MAD1L1: variants seen among roughly 807,000 people sequenced by gnomAD.
The protein encoded by MAD1L1 is mitotic arrest deficient 1 like 1, also known as mitotic spindle assembly checkpoint protein MAD1.
MAD1L1 carries 95 observed loss-of-function variants against 96.9 expected under a neutral mutation model. The observed-to-expected ratio is 0.98, with a 90% confidence interval of 0.83 to 1.16. The LOEUF is 1.16. MAD1L1 is among the 50% of genes most tolerant of loss of function. The probability of loss-of-function intolerance (pLI) is 0.00; values close to 1 mark genes in which losing one functional copy is unlikely to be tolerated. For missense variants in MAD1L1, 1,007 were observed against 954.4 expected, an observed-to-expected ratio of 1.06 and a Z score of -0.73; for synonymous variants, 473 against 396.6, an observed-to-expected ratio of 1.19 and a Z score of -2.29.
intron 10 of MAD1L1, among the ~76,000 whole-genome samples, chr7:2,180,755 T>C (rs989167655): frequency 6.6e-6 from 1 of 152,200 alleles, no homozygotes; most frequent in African/African-American, 2.4e-5. Context: ...ATCCTGCAAC[T>C]CTGTTGAACT....
chr7:1,900,250 T>A (rs750098639), intron 17 of MAD1L1, among the ~76,000 whole-genome samples: 4 of 152,252 alleles, frequency 2.6e-5, no homozygotes, highest in Non-Finnish European at 4.4e-5. Context: ...GCAAGGGCGC[T>A]GCCTGCCATG....
chr7:1,841,419 T>G (rs1472322566), intron 18 of MAD1L1, among the ~76,000 whole-genome samples: 1 of 152,196 alleles, frequency 6.6e-6, no homozygotes, highest in Non-Finnish European at 1.5e-5. Context: ...TATACCAAGT[T>G]GAGCGGCCTG....
intron 11 of MAD1L1, among the ~76,000 whole-genome samples, chr7:2,143,075 ACGGTG>A (rs990156428): frequency 4.6e-5 from 7 of 152,130 alleles, no homozygotes; most frequent in African/African-American, 1.4e-4. Context: ...ACAGCAGGAC[ACGGTG>A]CCAGTGATGA....
chr7:2,144,741 G>C (rs1370367981), intron 11 of MAD1L1, among the ~76,000 whole-genome samples: 1 of 152,104 alleles, frequency 6.6e-6, no homozygotes, highest in Admixed American at 6.5e-5. Flanking sequence ...CGTGAGCAGA[G>C]GGCGCACCAG....
chr7:2,098,999 G>A (rs780786584), intron 11 of MAD1L1, among the ~76,000 whole-genome samples: 1 of 152,230 alleles, frequency 6.6e-6, no homozygotes, highest in Non-Finnish European at 1.5e-5. Context: ...CGGAATGTCT[G>A]GGGATGGAGG....
chr7:2,220,891 CA>C (rs1562385142), intron 5 of MAD1L1: 9 of 1,610,560 alleles, frequency 5.6e-6, no homozygotes, highest in African/African-American at 2.7e-5. Flanking sequence ...CACCGTGTGC[CA>C]GGGGCAAGGC....
intron 14 of MAD1L1, among the ~76,000 whole-genome samples, chr7:1,999,324 C>T (rs572266284): frequency 6.6e-6 from 1 of 152,274 alleles, no homozygotes; most frequent in Non-Finnish European, 1.5e-5. Context: ...AATTTTAAAA[C>T]CCAGACCTGA....
intron 10 of MAD1L1, among the ~76,000 whole-genome samples, chr7:2,160,689 G>C (rs767441464): frequency 3.9e-5 from 6 of 151,930 alleles, no homozygotes; most frequent in Non-Finnish European, 8.8e-5. Flanking sequence ...CTGGAGTGCA[G>C]TGACATGACC....
At chr7:1,864,870 C>T (rs773152704) in intron 18 of MAD1L1, among the ~76,000 whole-genome samples, 16 of 152,320 alleles carry the variant, frequency 1.1e-4, no homozygotes, top group African/African-American at 2.2e-4. Context: ...GGAGTGGATG[C>T]GGCCTGAGGA....
rs756724453 is a variant in MAD1L1 at position 2,103,273 on chromosome 7, A to G, written c.1074-33935T>C. On this transcript the variant is annotated intron_variant, in intron 11 of 18. Coordinates refer to ENST00000265854, the MANE Select transcript of MAD1L1 (RefSeq NM_001013836.2). The surrounding 1 kb of genome is among the most constrained non-coding windows in gnomAD (Gnocchi z 4.3). ...ACGCTGAGGGCCGGGTCGCAGCCCA[A>G]GCCATGGCTGCCCCGACGGGCCCTG... Among the ~76,000 whole-genome samples the G allele has an allele frequency of 6.6e-6, 1 of 152,082 alleles. No individual in the cohort carries two copies. Among genetic ancestry groups the G allele is most frequent in the Non-Finnish European group, 1.5e-5 (1 of 68,004 alleles).
chr7:1,870,475 G>GCCTGCCACGCTGAACCCAACATACA (rs1785003677), intron 18 of MAD1L1, among the ~76,000 whole-genome samples: 1 of 99,550 alleles, frequency 1.0e-5, no homozygotes, highest in Non-Finnish European at 2.0e-5. Context: ...CCCAACATAT[G>GCCTGCCACGCTGAACCCAACATACA]CCTGCCACGC....
intron 10 of MAD1L1, among the ~76,000 whole-genome samples, chr7:2,149,497 G>A (rs1009625003): frequency 2.0e-5 from 3 of 152,092 alleles, no homozygotes; most frequent in African/African-American, 4.8e-5. Flanking sequence ...ACAGAGACAC[G>A]ACCTGACAGT....
chr7:1,819,662 G>T (rs1322489672), intron 18 of MAD1L1, among the ~76,000 whole-genome samples: 1 of 152,166 alleles, frequency 6.6e-6, no homozygotes, highest in Non-Finnish European at 1.5e-5. Flanking sequence ...CCCCTGAGCC[G>T]AGCCCCATGG....
At chr7:2,106,298 G>T (rs1170736237) in intron 11 of MAD1L1, among the ~76,000 whole-genome samples, 1 of 151,932 alleles carries the variant, frequency 6.6e-6, no homozygotes, top group African/African-American at 2.4e-5. Context: ...GTCCATCCCT[G>T]GAGACGGCCA....
chr7:2,215,097 G>T (rs954391746), intron 9 of MAD1L1, among the ~76,000 whole-genome samples: 5 of 152,134 alleles, frequency 3.3e-5, no homozygotes, highest in African/African-American at 1.2e-4. Flanking sequence ...TAAAAAGCCT[G>T]GCCGGGCATG....
chr7:1,824,933 C>G (rs935236715), intron 18 of MAD1L1, among the ~76,000 whole-genome samples: 6 of 151,564 alleles, frequency 4.0e-5, no homozygotes, highest in African/African-American at 1.5e-4. Flanking sequence ...GGTGAGAAAA[C>G]CCTTCAAGTT....
At chr7:1,938,436 C>T (rs1047023095) in intron 16 of MAD1L1, among the ~76,000 whole-genome samples, 1 of 152,132 alleles carries the variant, frequency 6.6e-6, no homozygotes, top group Non-Finnish European at 1.5e-5. Context: ...GTACAACTGA[C>T]CTTATAGAAA....
chr7:1,949,326 G>A (rs562036399), intron 16 of MAD1L1, among the ~76,000 whole-genome samples: 3 of 152,334 alleles, frequency 2.0e-5, no homozygotes, highest in South Asian at 4.1e-4. Flanking sequence ...TGCCGGGCAC[G>A]CAAGCATCGC....
chr7:1,848,903 T>A (rs1783792623), intron 18 of MAD1L1: 1 of 154,400 alleles, frequency 6.5e-6, no homozygotes. Flanking sequence ...TGTGCCTCAA[T>A]AGGACAGCCT....
Sources: gnomAD v4.1 joint callset for allele counts (sites outside exome capture counted in the v4.1 genomes callset) on GRCh38, gnomAD v4.1.1 for gene constraint, Gnocchi (gnomAD v3.1) non-coding constraint, MANE v1.5 for transcripts, NCBI Gene and HGNC (gene_info 2026-07-23, HGNC 2026-07-21) for gene names.